Variants in CNTN3 observed in about 807,000 individuals in gnomAD.
The protein encoded by CNTN3 is contactin-3.
CNTN3 carries 60 observed loss-of-function variants against 119.1 expected under a neutral mutation model. The ratio of observed to expected loss-of-function variants is 0.50; its 90% CI spans 0.41 to 0.62. The LOEUF is 0.62. Among genes scored for constraint, CNTN3 ranks in the 20% least tolerant of loss-of-function variants. The probability of loss-of-function intolerance (pLI) is 0.00; values close to 1 mark genes in which losing one functional copy is unlikely to be tolerated. For synonymous variants in CNTN3, 450 were observed against 438.7 expected (o/e 1.03, Z -0.32); for missense variants, 1,101 against 1,242.4 (o/e 0.89, Z 1.71).
intron 4 of CNTN3, among the ~76,000 whole-genome samples, chr3:74,445,203 T>A (rs116664572): frequency 2.2e-3 from 336 of 152,298 alleles, no homozygotes; most frequent in Middle Eastern, 0.01. Flanking sequence ...TTTCTAAAAT[T>A]TCATAGTCTT....
At chr3:74,511,936 C>G (rs911410545) in intron 2 of CNTN3, among the ~76,000 whole-genome samples, 7 of 152,064 alleles carry the variant, frequency 4.6e-5, no homozygotes, top group Non-Finnish European at 7.3e-5. Flanking sequence ...CTAGGAGGAA[C>G]AGTGACTCTG....
At chr3:74,535,725 G>A (rs1703754982) in intron 1 of CNTN3, among the ~76,000 whole-genome samples, 1 of 152,022 alleles carries the variant, frequency 6.6e-6, no homozygotes, top group African/African-American at 2.4e-5. Context: ...GACTTCCAGA[G>A]TTTTCTAATG....
At chr3:74,285,986 A>T (rs1372046753) in intron 19 of CNTN3, among the ~76,000 whole-genome samples, 1 of 151,912 alleles carries the variant, frequency 6.6e-6, no homozygotes, top group East Asian at 1.9e-4. Context: ...GAAATAAAAA[A>T]GATGACATCA....
intron 4 of CNTN3, among the ~76,000 whole-genome samples, chr3:74,451,208 A>C (rs1246315011): frequency 2.0e-5 from 3 of 152,114 alleles, no homozygotes; most frequent in South Asian, 4.1e-4. Context: ...TTGCCATTCT[A>C]ACTGGTGTGA....
rs1158340465 is a variant in CNTN3 at position 74,263,338 on chromosome 3, C to A, written c.*1063G>T. On this transcript the variant is annotated 3_prime_UTR_variant, in exon 23 of 23. Coordinates refer to ENST00000263665, the MANE Select transcript of CNTN3 (RefSeq NM_020872.3). Reference sequence around the variant, plus strand: ...TAGATGGTGGGATTTCATTAAAAAACCATCTCTGCCATCCAAAAAGAGAGG... The same window carrying A: ...TAGATGGTGGGATTTCATTAAAAAAACATCTCTGCCATCCAAAAAGAGAGG... 5 of 151,990 alleles carry A rather than the reference C, an allele frequency of 3.3e-5. No individual in the cohort carries two copies. The highest frequency in any genetic ancestry group is 1.9e-4 in the East Asian group (1 of 5,188). 9.4% of individuals were successfully genotyped at this position (151,990 alleles called of 1,614,324 possible).
chr3:74,348,906 A>T (rs1443569273), intron 11 of CNTN3, among the ~76,000 whole-genome samples: 3 of 151,470 alleles, frequency 2.0e-5, no homozygotes, highest in Admixed American at 6.6e-5. Flanking sequence ...ACACACTGAG[A>T]CCCCATCTCT....
intron 2 of CNTN3, among the ~76,000 whole-genome samples, chr3:74,508,768 G>A (rs1703311680): frequency 6.6e-6 from 1 of 152,004 alleles, no homozygotes; most frequent in Non-Finnish European, 1.5e-5. Context: ...ACATCAATGG[G>A]TTCTTATCCC....
At chr3:74,350,795 T>C (rs572946087) in intron 11 of CNTN3, among the ~76,000 whole-genome samples, 62 of 152,096 alleles carry the variant, frequency 4.1e-4, no homozygotes, top group Admixed American at 3.9e-4. Context: ...ATGGAGGTCA[T>C]TATTGTAATT....
chr3:74,369,465 G>A, intron 7 of CNTN3, 92 bp from the exon 8 acceptor site: 2 of 1,029,618 alleles, frequency 1.9e-6, no homozygotes, highest in East Asian at 2.7e-5. Flanking sequence ...AGAAGGCACA[G>A]GATTTTAAAT....
At chr3:74,350,476 T>G (rs1703787932) in intron 11 of CNTN3, among the ~76,000 whole-genome samples, 1 of 152,162 alleles carries the variant, frequency 6.6e-6, no homozygotes, top group African/African-American at 2.4e-5. Flanking sequence ...CTAGTGGGAA[T>G]GTAAATTAGT....
intron 4 of CNTN3, among the ~76,000 whole-genome samples, chr3:74,474,860 T>C: frequency 6.6e-6 from 1 of 152,106 alleles, no homozygotes; most frequent in East Asian, 1.9e-4. Flanking sequence ...TGCTGAGAGA[T>C]CTTAAAAGTG....
chr3:74,320,449 A>T (rs549946951), intron 13 of CNTN3, among the ~76,000 whole-genome samples: 16 of 152,092 alleles, frequency 1.1e-4, no homozygotes, highest in African/African-American at 3.6e-4. Flanking sequence ...GTTCTCACTC[A>T]TAGGTGGGAA....
intron 3 of CNTN3, among the ~76,000 whole-genome samples, chr3:74,497,018 T>C (rs951516955): frequency 6.6e-6 from 1 of 152,046 alleles, no homozygotes; most frequent in East Asian, 1.9e-4. Flanking sequence ...TTATTCTGAA[T>C]CCTTAAAAAC....
At chr3:74,299,721 A>G (rs1702414989) in intron 17 of CNTN3, 147 bp downstream of exon 17, 5 of 550,480 alleles carry the variant, frequency 9.1e-6, no homozygotes, top group Admixed American at 3.4e-5. Flanking sequence ...ATCACCACCT[A>G]TATTACCACC....
At chr3:74,372,606 T>A (rs1704370000) in intron 5 of CNTN3, among the ~76,000 whole-genome samples, 1 of 152,030 alleles carries the variant, frequency 6.6e-6, no homozygotes, top group African/African-American at 2.4e-5. Context: ...AAAAAAAACT[T>A]TTGGAAAACA....
At chr3:74,524,532 G>A (rs959427200) in intron 1 of CNTN3, among the ~76,000 whole-genome samples, 1 of 151,886 alleles carries the variant, frequency 6.6e-6, no homozygotes. Context: ...AAGAAAAGAA[G>A]AGATGAAATA....
At chr3:74,426,443 A>G (rs1701696795) in intron 4 of CNTN3, among the ~76,000 whole-genome samples, 1 of 152,186 alleles carries the variant, frequency 6.6e-6, no homozygotes, top group African/African-American at 2.4e-5. Flanking sequence ...CAAAATAATT[A>G]TCTTCAAATT....
chr3:74,570,581 C>A (rs1320477343), intron 1 of CNTN3, among the ~76,000 whole-genome samples: 3 of 150,882 alleles, frequency 2.0e-5, no homozygotes, highest in Non-Finnish European at 4.4e-5. Flanking sequence ...GGATGACTGG[C>A]AGTGCCCTAG....
At chr3:74,495,671 C>T (rs1402085339) in intron 3 of CNTN3, among the ~76,000 whole-genome samples, 1 of 151,962 alleles carries the variant, frequency 6.6e-6, no homozygotes, top group African/African-American at 2.4e-5. Context: ...ATACTGAATG[C>T]ATTTAGTTGA....
Sources: gnomAD v4.1 joint callset for allele counts (sites outside exome capture counted in the v4.1 genomes callset) on GRCh38, gnomAD v4.1.1 for gene constraint, MANE v1.5 for transcripts, NCBI Gene and HGNC (gene_info 2026-07-23, HGNC 2026-07-21) for gene names.